SYNE3: variants seen among roughly 807,000 people sequenced by gnomAD.
SYNE3 encodes the protein spectrin repeat containing nuclear envelope family member 3.
SYNE3 carries 100 observed loss-of-function variants against 111.2 expected under a neutral mutation model. The observed-to-expected ratio is 0.90, with a 90% CI of 0.77 to 1.06. The LOEUF is 1.06. SYNE3 is among the 50% of genes least tolerant of loss of function. The pLI is 0.00. For missense variants in SYNE3, 1,160 were observed against 1,240.3 expected (o/e 0.94, Z 0.97); for synonymous variants, 547 against 533.9 (o/e 1.02, Z -0.34).
intron 1 of SYNE3, among the ~76,000 whole-genome samples, chr14:95,501,595 G>C (rs1473120034): frequency 1.3e-5 from 2 of 152,216 alleles, no homozygotes; most frequent in Non-Finnish European, 2.9e-5. Context: ...GTGAGGTTTG[G>C]TTCAGAGGGG....
Position 95,475,711 on chromosome 14 carries a change from G to T in SYNE3, c.111C>A (p.Arg37=), listed in dbSNP as rs138656582. The change falls in exon 2 of 18, where the codon CGC becomes CGA. Residue 37 remains arginine (R), a synonymous_variant. Coordinates refer to ENST00000682763, the MANE Select transcript of SYNE3 (RefSeq NM_152592.6). The stretch of plus-strand genomic sequence containing the variant: ...CCCACAGCCTGGCCTCCAGGGCCGC[G>T]CGGGGTCCCTGCGTGTTGTCATTGA... The part of the protein sequence containing the change: ...LQVNDNTQGP[R]AALEARLWET... The T allele has an allele frequency of 1.9e-6, 3 of 1,598,598 alleles. No homozygotes were observed. Among genetic ancestry groups the T allele is most frequent in the Middle Eastern group, 1.7e-4 (1 of 5,980 alleles).
chr14:95,451,209 CG>C (rs1350434013), intron 7 of SYNE3: 1 of 152,206 alleles, frequency 6.6e-6, no homozygotes, highest in African/African-American at 2.4e-5. Flanking sequence ...GTCCAACAGA[CG>C]GATGGCCCAG....
At chr14:95,512,688 TA>T (rs11312397) in intron 1 of SYNE3, among the ~76,000 whole-genome samples, 11,165 of 140,760 alleles carry the variant, frequency 0.079, 1,265 homozygotes, top group African/African-American at 0.26. Context: ...CCGTCTCTAC[TA>T]AAAAAAAAAA....
rs912034685 is a variant in SYNE3, at chr14:95,500,085, C to A, written c.-15+16511G>T. 6.6e-6 allele frequency among the ~76,000 whole-genome samples: 1 copy of A among 152,072 alleles called. No homozygotes were observed. Among genetic ancestry groups the A allele is most frequent in the African/African-American group, 2.4e-5 (1 of 41,380 alleles). On this transcript the variant is annotated intron_variant, in intron 1 of 17. Coordinates refer to ENST00000682763, the MANE Select transcript of SYNE3 (RefSeq NM_152592.6). The surrounding 1 kb of genome is among the most constrained non-coding windows in gnomAD (Gnocchi z 4.7). ...ATGTTGGTCAGGCTGGTCTTGAACTCTTGACCTCAGGTGATCCACCCGCCT... is the reference window on the plus strand; with the variant it reads ...ATGTTGGTCAGGCTGGTCTTGAACTATTGACCTCAGGTGATCCACCCGCCT...
intron 3 of SYNE3, among the ~76,000 whole-genome samples, chr14:95,466,660 T>A (rs1431467702): frequency 6.6e-6 from 1 of 152,198 alleles, no homozygotes; most frequent in Admixed American, 6.5e-5. Flanking sequence ...TCCAGGCCGC[T>A]GGCACACGCA....
At chr14:95,491,144 G>A (rs1889830259) in intron 1 of SYNE3, among the ~76,000 whole-genome samples, 1 of 152,160 alleles carries the variant, frequency 6.6e-6, no homozygotes, top group African/African-American at 2.4e-5. Flanking sequence ...CTCGGGTTGC[G>A]GGGTAAGCCT....
intron 11 of SYNE3, among the ~76,000 whole-genome samples, chr14:95,441,796 A>G (rs773918480): frequency 1.3e-5 from 2 of 152,234 alleles, no homozygotes; most frequent in African/African-American, 2.4e-5. Context: ...ACTTACACCA[A>G]TGGGGCTCCA....
At chr14:95,508,174 A>G (rs148336307) in intron 1 of SYNE3, among the ~76,000 whole-genome samples, 4 of 152,334 alleles carry the variant, frequency 2.6e-5, no homozygotes, top group African/African-American at 7.2e-5. Context: ...GAGGTAGCTG[A>G]GGGTGGGTTA....
chr14:95,468,897 G>C (rs2139485468), intron 2 of SYNE3, among the ~76,000 whole-genome samples: 1 of 152,220 alleles, frequency 6.6e-6, no homozygotes, highest in Non-Finnish European at 1.5e-5. Context: ...GCTAAGGCTT[G>C]GTCTCTGTAG....
intron 1 of SYNE3, among the ~76,000 whole-genome samples, chr14:95,502,292 A>G (rs1164268336): frequency 1.1e-4 from 3 of 26,764 alleles, no homozygotes; most frequent in Non-Finnish European, 2.1e-4. Context: ...CCTTCCAGCC[A>G]CTCACAGGGG....
At chr14:95,441,590 G>C (rs939547927) in intron 11 of SYNE3, among the ~76,000 whole-genome samples, 1 of 152,246 alleles carries the variant, frequency 6.6e-6, no homozygotes, top group African/African-American at 2.4e-5. Flanking sequence ...CTCAGTTAAC[G>C]CTGCTTCTCG....
chr14:95,495,849 T>G (rs1890067995), intron 1 of SYNE3, among the ~76,000 whole-genome samples: 1 of 152,108 alleles, frequency 6.6e-6, no homozygotes, highest in South Asian at 2.1e-4. Context: ...TGCTGGACTG[T>G]CCCCCGTGAA....
At chr14:95,455,069 A>G (rs1887328139) in intron 6 of SYNE3, among the ~76,000 whole-genome samples, 1 of 152,186 alleles carries the variant, frequency 6.6e-6, no homozygotes, top group African/African-American at 2.4e-5. Context: ...GCAGGAGAGT[A>G]GCTTTGAGGC....
chr14:95,432,269 GA>G, intron 16 of SYNE3, 152 bp from the exon 17 acceptor site: 1 of 890,220 alleles, frequency 1.1e-6, no homozygotes, highest in South Asian at 1.7e-5. Context: ...TGAGCCAGCA[GA>G]TGATTCGATT....
intron 15 of SYNE3, among the ~76,000 whole-genome samples, chr14:95,435,493 T>C (rs1477698773): frequency 6.6e-6 from 1 of 151,948 alleles, no homozygotes; most frequent in East Asian, 1.9e-4. Context: ...CAGTGAGAAG[T>C]AGTTACATAT....
At position 95,417,851 on chromosome 14, in the gene SYNE3, C is replaced by T. The variant is rs759211520; in HGVS notation, c.2903G>A (p.Arg968His). 9 of 1,614,070 alleles carry T rather than the reference C, an allele frequency of 5.6e-6. No homozygotes were observed. Among genetic ancestry groups the T allele is most frequent in the African/African-American group, 1.3e-5 (1 of 74,920 alleles). ...TTAGGTGGGTGGTGGGCCATTGTAG[C>T]GCAGCATGAGCGTGAAGGAGCGGGC... is the stretch of plus-strand genomic sequence containing the variant. ...NFARSFTLML[R>H]YNGPPPT The change falls in exon 18 of 18, where the codon CGC (arginine) becomes CAC (histidine). Residue 968 changes from arginine to histidine, a missense_variant. Arg to His is a conservative substitution (Grantham distance 29). Coordinates refer to ENST00000682763, the MANE Select transcript of SYNE3 (RefSeq NM_152592.6).
Position 95,410,672 on chromosome 14 carries a change from C to G in SYNE3, c.*7154G>C, listed in dbSNP as rs1370939911. 6.6e-6 allele frequency: 1 copy of G among 152,208 alleles called. No homozygotes were observed. Among genetic ancestry groups the G allele is most frequent in the Admixed American group, 6.5e-5 (1 of 15,282 alleles). 9.4% of individuals were successfully genotyped at this position (152,208 alleles called of 1,614,324 possible). On this transcript the variant is annotated 3_prime_UTR_variant, in exon 18 of 18. Coordinates refer to ENST00000682763, the MANE Select transcript of SYNE3 (RefSeq NM_152592.6). Reference sequence around the variant, plus strand: ...AACCTGAGGAGACGATGCCAGCAACCGCCTATATCTAGACTTCTCAGGAGG... The same window carrying G: ...AACCTGAGGAGACGATGCCAGCAACGGCCTATATCTAGACTTCTCAGGAGG...
At chr14:95,434,249 G>A (rs372987846) in intron 15 of SYNE3, among the ~76,000 whole-genome samples, 3 of 152,076 alleles carry the variant, frequency 2.0e-5, no homozygotes, top group Non-Finnish European at 4.4e-5. Flanking sequence ...GAGGCACACC[G>A]GGCCACAACT....
chr14:95,426,027 A>G (rs566905408), intron 17 of SYNE3, among the ~76,000 whole-genome samples: 14 of 152,202 alleles, frequency 9.2e-5, no homozygotes, highest in South Asian at 4.1e-4. Flanking sequence ...GCTACTGGGT[A>G]CCTCACTGGG....
Sources: gnomAD v4.1 joint callset for allele counts (sites outside exome capture counted in the v4.1 genomes callset) on GRCh38, gnomAD v4.1.1 for gene constraint, Gnocchi (gnomAD v3.1) non-coding constraint, MANE v1.5 for transcripts, NCBI Gene and HGNC (gene_info 2026-07-23, HGNC 2026-07-21) for gene names.